The following EHD2 variants were observed in gnomAD, a reference collection of about 807,000 sequenced individuals.
EHD2 encodes EH domain-containing protein 2.
In EHD2, 27 loss-of-function variants were observed where a neutral mutation model predicts 41.0. The ratio of observed to expected loss-of-function variants is 0.66; its 90% CI spans 0.49 to 0.91. EHD2 has a LOEUF of 0.91. Among genes scored for constraint, EHD2 ranks in the 40% least tolerant of loss-of-function variants. The pLI is 0.00. For missense variants in EHD2, 673 were observed against 773.9 expected (o/e 0.87, Z 1.55); for synonymous variants, 342 against 341.0 (o/e 1.00, Z -0.03).
chr19:47,721,454 C>T (rs973739309), intron 3 of EHD2, among the ~76,000 whole-genome samples: 2 of 151,856 alleles, frequency 1.3e-5, no homozygotes, highest in Non-Finnish European at 2.9e-5. Flanking sequence ...GCTGGGATTA[C>T]AGGCGCCTGC....
chr19:47,721,482 T>A (rs1973696379), intron 3 of EHD2, among the ~76,000 whole-genome samples: 1 of 151,730 alleles, frequency 6.6e-6, no homozygotes, highest in South Asian at 2.1e-4. Flanking sequence ...CCCGGCTAAT[T>A]TTTTTGTATT....
rs1967009478 is a variant in EHD2, at chr19:47,743,133, C to T, written c.*1701C>T. The T allele has an allele frequency of 6.6e-6, 1 of 152,424 alleles. No individual in the cohort carries two copies. The highest frequency in any genetic ancestry group is 6.5e-5 in the Admixed American group (1 of 15,278). The allele number at this position is 152,424 out of a possible 1,614,324, so 9.4% of individuals were successfully genotyped here. A position where few individuals can be genotyped will look rare whatever the true frequency, so the allele number is the denominator to read the frequency against. ...AGCGAATAAAGCCAAGGCTTCTTCC[C>T]ATGTGGCAGTGAGGCTGGCTTGGGA... On this transcript the variant is annotated 3_prime_UTR_variant, in exon 6 of 6. Transcript: ENST00000263277.
At chr19:47,717,205 G>A (rs917282966) in intron 2 of EHD2, among the ~76,000 whole-genome samples, 189 bp downstream of exon 2, 8 of 151,994 alleles carry the variant, frequency 5.3e-5, no homozygotes, top group Admixed American at 2.0e-4. Flanking sequence ...CCACCACCAC[G>A]CCAAGCGAGT....
intron 3 of EHD2, among the ~76,000 whole-genome samples, chr19:47,722,014 A>ACG: frequency 4.6e-5 from 3 of 65,228 alleles, no homozygotes; most frequent in Non-Finnish European, 9.0e-5. Flanking sequence ...AACAAAACAC[A>ACG]CACACACACA....
At chr19:47,717,634 C>T (rs752284132) in intron 2 of EHD2, among the ~76,000 whole-genome samples, 6 of 152,070 alleles carry the variant, frequency 3.9e-5, no homozygotes, top group African/African-American at 1.2e-4. Flanking sequence ...GGGCCAGGCC[C>T]GGTGGCTCAC....
chr19:47,735,553 G>A (rs1433139006), intron 4 of EHD2, among the ~76,000 whole-genome samples: 5 of 151,690 alleles, frequency 3.3e-5, no homozygotes, highest in Admixed American at 6.6e-5. Context: ...AGTTATGATC[G>A]CACCACTGCA....
intron 3 of EHD2, 23 bp downstream of exon 3, chr19:47,718,629 G>C: frequency 6.5e-7 from 1 of 1,546,852 alleles, no homozygotes; most frequent in Non-Finnish European, 8.7e-7. Context: ...AGACCCTGGG[G>C]TCTGAGGGAG....
intron 5 of EHD2, 43 bp downstream of exon 5, chr19:47,736,576 G>A (rs1387323499): frequency 6.5e-7 from 1 of 1,532,732 alleles, no homozygotes; most frequent in South Asian, 1.3e-5. Context: ...TGGGTGATGG[G>A]AAGGTTGGTT....
intron 3 of EHD2, among the ~76,000 whole-genome samples, chr19:47,720,020 T>A (rs1973678999): frequency 6.6e-6 from 1 of 151,114 alleles, no homozygotes; most frequent in Admixed American, 6.6e-5. Context: ...TACTCCTGGG[T>A]GTGGTGGTTC....
At chr19:47,734,367 G>A (rs1966900394) in intron 4 of EHD2, among the ~76,000 whole-genome samples, 1 of 151,974 alleles carries the variant, frequency 6.6e-6, no homozygotes, top group South Asian at 2.1e-4. Flanking sequence ...AAGTAGGGGA[G>A]AGAGGGAGAG....
intron 3 of EHD2, among the ~76,000 whole-genome samples, chr19:47,724,777 T>C (rs1291953471): frequency 1.3e-5 from 2 of 151,720 alleles, no homozygotes; most frequent in African/African-American, 2.4e-5. Context: ...ATATTTAACT[T>C]CTCAGCCTGG....
At chr19:47,740,806 T>C in intron 5 of EHD2, 75 bp from the exon 6 acceptor site, 1 of 1,517,668 alleles carries the variant, frequency 6.6e-7, no homozygotes, top group Non-Finnish European at 8.9e-7. Context: ...TCCAGTGTCC[T>C]GATACCACCT....
Position 47,715,918 on chromosome 19 carries a change from C to T in EHD2, c.-55-640C>T, listed in dbSNP as rs552050638. 7.2e-5 allele frequency among the ~76,000 whole-genome samples: 11 copies of T among 152,122 alleles called. No individual in the cohort carries two copies. The East Asian group carries it at 1.9e-3, about 27-fold the overall frequency. On this transcript the variant is annotated intron_variant, in intron 1 of 5. Transcript: ENST00000263277. ...AAGTAGCTGGGACTACAGGTGGCCA[C>T]CACCAGGCCTGGCTAATTTTTTGTA...
rs181792576 is a variant in EHD2, at chr19:47,733,822, G to A, written c.916-2547G>A. On this transcript the variant is annotated intron_variant, in intron 4 of 5. Coordinates refer to ENST00000263277, the MANE Select transcript of EHD2 (RefSeq NM_014601.4). ...AAAAAGAGTGAAGAAAGCAAAAAGC[G>A]AATAACGTCTTAGTATTGTTCTTAA... Among the ~76,000 whole-genome samples the A allele has an allele frequency of 9.7e-5, 13 of 134,412 alleles. No individual in the cohort carries two copies. In the East Asian group the frequency reaches 2.9e-3, roughly 30 times the overall value. 88.2% of individuals were successfully genotyped at this position (134,412 alleles called of 152,430 possible).
chr19:47,741,712 T>G lies in EHD2; in HGVS notation c.*280T>G. Reference sequence around the variant, plus strand: ...ACGCAGGCATCCATCCATCCGTCATTCATTCAAATATTTATTGAGCACCTA... The same window carrying G: ...ACGCAGGCATCCATCCATCCGTCATGCATTCAAATATTTATTGAGCACCTA... On this transcript the variant is annotated 3_prime_UTR_variant, in exon 6 of 6. Transcript: ENST00000263277. This position sits in a 1 kb window ranked among gnomAD's most constrained non-coding sequence, Gnocchi z 4.5. 1 of 623,144 alleles carries G rather than the reference T, an allele frequency of 1.6e-6. No homozygotes were observed. The highest frequency in any genetic ancestry group is 2.9e-6 in the Non-Finnish European group (1 of 344,078). 38.6% of individuals were successfully genotyped at this position (623,144 alleles called of 1,614,324 possible). A position where few individuals can be genotyped will look rare whatever the true frequency, so the allele number is the denominator to read the frequency against.
intron 4 of EHD2, among the ~76,000 whole-genome samples, chr19:47,732,595 T>A (rs1009986888): frequency 1.3e-5 from 2 of 149,718 alleles, no homozygotes; most frequent in Admixed American, 1.3e-4. Flanking sequence ...AGTTTTAAAA[T>A]TTTTTTTTAG....
At chr19:47,731,313 TA>T (rs1295352413) in intron 4 of EHD2, 5 of 108,706 alleles carry the variant, frequency 4.6e-5, no homozygotes, top group African/African-American at 1.2e-4. Flanking sequence ...CATATATATA[TA>T]ATTTTTTTTT....
intron 1 of EHD2, among the ~76,000 whole-genome samples, chr19:47,714,557 G>A (rs1973605973): frequency 6.6e-6 from 1 of 152,188 alleles, no homozygotes; most frequent in Admixed American, 6.6e-5. Flanking sequence ...TCTGGGTGCT[G>A]GAGGTGCTCA....
intron 5 of EHD2, among the ~76,000 whole-genome samples, chr19:47,739,636 T>G: frequency 8.1e-6 from 1 of 123,106 alleles, no homozygotes; most frequent in African/African-American, 3.0e-5. Flanking sequence ...AGAAAAGAAA[T>G]AGGGTTTTGC....
Sources: gnomAD v4.1 joint callset for allele counts (sites outside exome capture counted in the v4.1 genomes callset) on GRCh38, gnomAD v4.1.1 for gene constraint, Gnocchi (gnomAD v3.1) non-coding constraint, MANE v1.5 for transcripts, NCBI Gene and HGNC (gene_info 2026-07-23, HGNC 2026-07-21) for gene names.